Variants in EVC2 observed in about 807,000 individuals in gnomAD.
EVC2 encodes the protein limbin.
In EVC2, 148 loss-of-function variants were observed where a neutral mutation model predicts 149.3. The observed-to-expected ratio is 0.99, with a 90% confidence interval of 0.87 to 1.14. The LOEUF (loss-of-function observed/expected upper bound fraction) is 1.14. Ranked by LOEUF, EVC2 falls within the 50% of genes most tolerant of loss-of-function variation. The pLI, the probability that EVC2 is intolerant of heterozygous loss-of-function variation, is 0.00. For missense variants in EVC2, 1,854 were observed against 1,627.3 expected (o/e 1.14, Z -2.40); for synonymous variants, 776 against 649.9 (o/e 1.19, Z -2.95).
chr4:5,640,450 A>T lies in EVC2; in HGVS notation c.1470+64T>A. Reference sequence around the variant, plus strand: ...GGCAAATGGACAGATGAGTGGGTAGATGGATAAATGACAAATCCCTGAGAG... The same window carrying T: ...GGCAAATGGACAGATGAGTGGGTAGTTGGATAAATGACAAATCCCTGAGAG... On this transcript the variant is annotated intron_variant, in intron 10 of 21. Coordinates refer to ENST00000344408, the MANE Select transcript of EVC2 (RefSeq NM_147127.5). This position sits in a 1 kb window ranked among gnomAD's most constrained non-coding sequence, Gnocchi z 4.6. The T allele has an allele frequency of 6.3e-7, 1 of 1,598,386 alleles. No individual in the cohort carries two copies. Among genetic ancestry groups the T allele is most frequent in the Non-Finnish European group, 8.6e-7 (1 of 1,166,112 alleles).
intron 1 of EVC2, 61 bp downstream of exon 1, chr4:5,708,225 C>CA: frequency 7.3e-7 from 1 of 1,367,892 alleles, no homozygotes; most frequent in Non-Finnish European, 9.6e-7. Flanking sequence ...CTGCCACCGC[C>CA]GGTGTAGACA....
At chr4:5,663,052 G>A in intron 9 of EVC2, 55 bp downstream of exon 9, 2 of 1,608,784 alleles carry the variant, frequency 1.2e-6, no homozygotes, top group Admixed American at 1.7e-5. Flanking sequence ...TTATGTCACT[G>A]TCGTTAAAAC....
chr4:5,590,418 C>T (rs1712683693), intron 16 of EVC2, among the ~76,000 whole-genome samples: 1 of 152,066 alleles, frequency 6.6e-6, no homozygotes. Flanking sequence ...GAGTTCCCAG[C>T]CATAATGGGA....
chr4:5,699,641 A>C (rs1721698527), intron 1 of EVC2, among the ~76,000 whole-genome samples: 1 of 95,852 alleles, frequency 1.0e-5, no homozygotes, highest in Non-Finnish European at 2.4e-5. Flanking sequence ...CTCCATCTCT[A>C]CAAAAAAAAA....
intron 9 of EVC2, among the ~76,000 whole-genome samples, chr4:5,641,774 T>C (rs759454215): frequency 2.0e-5 from 3 of 152,212 alleles, no homozygotes; most frequent in Non-Finnish European, 2.9e-5. Context: ...AGTTATTTTA[T>C]TATTATTTTT....
chr4:5,580,473 T>A (rs1211889572), intron 17 of EVC2, among the ~76,000 whole-genome samples: 1 of 152,204 alleles, frequency 6.6e-6, no homozygotes, highest in African/African-American at 2.4e-5. Context: ...CTAATAGAAA[T>A]CAGTGTGGTC....
chr4:5,648,092 T>G (rs556066322), intron 9 of EVC2, among the ~76,000 whole-genome samples: 89 of 152,348 alleles, frequency 5.8e-4, no homozygotes, highest in Non-Finnish European at 1.1e-3. Context: ...TACATTCATT[T>G]AATGTGCAAA....
intron 21 of EVC2, among the ~76,000 whole-genome samples, chr4:5,556,345 T>C (rs912319060): frequency 6.6e-6 from 1 of 151,858 alleles, no homozygotes; most frequent in Non-Finnish European, 1.5e-5. Flanking sequence ...AAACAACACA[T>C]GGGACAATGA....
chr4:5,708,530 C>CT lies in EVC2; in HGVS notation c.-18dup. ...GGGGTCCATCGCCTGTCGGGACCCG[C>CT]TACCTCAAAGCGGCGGGTGCCGCCG... On this transcript the variant is annotated 5_prime_UTR_variant, in exon 1 of 22. Transcript: ENST00000344408. The CT allele has an allele frequency of 7.0e-7, 1 of 1,429,470 alleles. No homozygotes were observed. The highest frequency in any genetic ancestry group is 1.5e-5 in the African/African-American group (1 of 66,670). 88.5% of individuals were successfully genotyped at this position (1,429,470 alleles called of 1,614,324 possible). A position where few individuals can be genotyped will look rare whatever the true frequency, so the allele number is the denominator to read the frequency against.
intron 1 of EVC2, among the ~76,000 whole-genome samples, chr4:5,699,075 G>A (rs1721665073): frequency 6.6e-6 from 1 of 152,210 alleles, no homozygotes; most frequent in Admixed American, 6.5e-5. Context: ...AACCCCAGCT[G>A]GGCTGGAGGC....
At chr4:5,681,190 C>T in intron 7 of EVC2, 70 bp downstream of exon 7, 1 of 1,586,838 alleles carries the variant, frequency 6.3e-7, no homozygotes, top group Non-Finnish European at 8.7e-7. Context: ...CCCCATGGCT[C>T]CAAGGACAGG....
At chr4:5,531,324 C>A in the EVC2 span, among the ~76,000 whole-genome samples, 1 of 152,128 alleles carries the variant, frequency 6.6e-6, no homozygotes, top group African/African-American at 2.4e-5. Context: ...CAGGACCCCT[C>A]GCAGATATAA....
chr4:5,647,703 A>G (rs1301616516), intron 9 of EVC2, among the ~76,000 whole-genome samples: 6 of 152,252 alleles, frequency 3.9e-5, no homozygotes, highest in Admixed American at 3.9e-4. Context: ...CTTATGTGGC[A>G]GGGAGGACAG....
intron 16 of EVC2, among the ~76,000 whole-genome samples, chr4:5,604,010 T>C (rs903327061): frequency 2.0e-5 from 3 of 152,196 alleles, no homozygotes; most frequent in Non-Finnish European, 4.4e-5. Context: ...GGCTCTGTTC[T>C]ACCATGTACC....
At chr4:5,665,717 G>C in intron 7 of EVC2, 68 bp from the exon 8 acceptor site, 1 of 1,590,284 alleles carries the variant, frequency 6.3e-7, no homozygotes, top group South Asian at 1.1e-5. Context: ...CCTCACAGAT[G>C]ATTGAGTGTC....
At position 5,636,350 on chromosome 4, in the gene EVC2, C is replaced by T. The variant is rs373818207; in HGVS notation, c.1470+4164G>A. 2.3e-4 allele frequency among the ~76,000 whole-genome samples: 35 copies of T among 152,320 alleles called. No homozygotes were observed. Among genetic ancestry groups the T allele is most frequent in the African/African-American group, 8.2e-4 (34 of 41,578 alleles). ...TCAGCTCTACATTAATTACAGTCAG[C>T]TCTCTGTATCTGTGGGTTCTGCATC... is the stretch of plus-strand genomic sequence containing the variant. On this transcript the variant is annotated intron_variant, in intron 10 of 21. Coordinates refer to ENST00000344408, the MANE Select transcript of EVC2 (RefSeq NM_147127.5). This position sits in a 1 kb window ranked among gnomAD's most constrained non-coding sequence, Gnocchi z 4.6.
downstream of EVC2, among the ~76,000 whole-genome samples, chr4:5,541,472 C>T (rs73070487): frequency 9.2e-5 from 14 of 152,134 alleles, no homozygotes; most frequent in Non-Finnish European, 1.5e-4. Context: ...TTGAAGAGAG[C>T]GAGTGCTGGA....
At chr4:5,690,042 TAAAAG>T (rs952874305) in intron 4 of EVC2, among the ~76,000 whole-genome samples, 38 of 152,140 alleles carry the variant, frequency 2.5e-4, no homozygotes, top group African/African-American at 8.7e-4. Context: ...TAAGAAGTGA[TAAAAG>T]AAAGCTTCAG....
chr4:5,557,263 T>C (rs1721855515), intron 21 of EVC2, among the ~76,000 whole-genome samples: 1 of 152,122 alleles, frequency 6.6e-6, no homozygotes, highest in Non-Finnish European at 1.5e-5. Flanking sequence ...GCAAGGCTGG[T>C]TCAACATTCT....
Sources: gnomAD v4.1 joint callset for allele counts (sites outside exome capture counted in the v4.1 genomes callset) on GRCh38, gnomAD v4.1.1 for gene constraint, Gnocchi (gnomAD v3.1) non-coding constraint, MANE v1.5 for transcripts, NCBI Gene and HGNC (gene_info 2026-07-23, HGNC 2026-07-21) for gene names.